Variants in CNIH3 observed in about 807,000 individuals in gnomAD.
CNIH3 encodes cornichon family AMPA receptor auxiliary protein 3, also known as protein cornichon homolog 3.
A neutral mutation model predicts 24.1 loss-of-function variants in CNIH3; 14 were observed. The observed-to-expected ratio is 0.58, with a 90% CI of 0.38 to 0.91. CNIH3 has a LOEUF of 0.91. CNIH3 is among the 40% of genes least tolerant of loss of function. The probability of loss-of-function intolerance (pLI) is 0.00; values close to 1 mark genes in which losing one functional copy is unlikely to be tolerated. For synonymous variants in CNIH3, 68 were observed against 73.8 expected, an observed-to-expected ratio of 0.92 and a Z score of 0.40; for missense variants, 178 against 196.8, an observed-to-expected ratio of 0.90 and a Z score of 0.57.
intron 1 of CNIH3, among the ~76,000 whole-genome samples, chr1:224,482,078 G>C (rs78206637): frequency 0.019 from 2,890 of 152,258 alleles, 57 homozygotes; most frequent in Admixed American, 0.066. Flanking sequence ...AAGGCCCAAG[G>C]CTGTTCAGTC....
intron 1 of CNIH3, among the ~76,000 whole-genome samples, chr1:224,505,911 A>G (rs1677889668): frequency 6.6e-6 from 1 of 152,200 alleles, no homozygotes; most frequent in Admixed American, 6.5e-5. Flanking sequence ...AAAATAGTAC[A>G]TTGATCCCTG....
rs76961828 is a variant in CNIH3, at chr1:224,661,704, T to C, written c.82-19254T>C. The C allele has an allele frequency of 1.4e-3, 271 of 196,188 alleles. 3 individuals carry two copies. In the East Asian group the frequency reaches 0.036, roughly 26 times the overall value. The allele number at this position is 196,188 out of a possible 1,614,324, so 12.2% of individuals were successfully genotyped here. The stretch of plus-strand genomic sequence containing the variant: ...TTCTGGTTTAATATAAATTAAGCTA[T>C]CTTATTTTCTAGCATCTGACAGCAC... On this transcript the variant is annotated intron_variant, in intron 1 of 5. Coordinates refer to ENST00000272133, the MANE Select transcript of CNIH3 (RefSeq NM_152495.2).
At chr1:224,643,716 G>GCCTGAT in intron 1 of CNIH3, among the ~76,000 whole-genome samples, 1 of 152,230 alleles carries the variant, frequency 6.6e-6, no homozygotes, top group South Asian at 2.1e-4. Context: ...GGGGAACAGG[G>GCCTGAT]ACTCAGCAGA....
At chr1:224,694,586 A>T (rs1456254634) in intron 3 of CNIH3, among the ~76,000 whole-genome samples, 2 of 152,236 alleles carry the variant, frequency 1.3e-5, no homozygotes, top group Non-Finnish European at 2.9e-5. Flanking sequence ...GGATGAGGTT[A>T]ACATTTAAAT....
chr1:224,543,575 CTGGGTGGTTAGTGT>C (rs371140624), intron 2 of CNIH3, among the ~76,000 whole-genome samples: 3,251 of 152,264 alleles, frequency 0.021, 116 homozygotes, highest in African/African-American at 0.073. Context: ...AGTGCTGACT[CTGGGTGGTTAGTGT>C]CAGAATTGTA....
chr1:224,707,244 G>A (rs116473405), intron 3 of CNIH3, among the ~76,000 whole-genome samples: 5,874 of 152,168 alleles, frequency 0.039, 179 homozygotes, highest in East Asian at 0.12. Flanking sequence ...GATTACAAAT[G>A]TCAGCCACTG....
At chr1:224,449,007 C>T (rs954082104) in intron 1 of CNIH3, among the ~76,000 whole-genome samples, 2 of 149,806 alleles carry the variant, frequency 1.3e-5, no homozygotes, top group African/African-American at 4.9e-5. Flanking sequence ...TCTTTTTGCC[C>T]AGGCTGGAGT....
chr1:224,631,356 G>A (rs1683812169), intron 1 of CNIH3, among the ~76,000 whole-genome samples: 1 of 152,062 alleles, frequency 6.6e-6, no homozygotes, highest in African/African-American at 2.4e-5. Flanking sequence ...CAAGGTTTTG[G>A]TTTCCAATTT....
intron 3 of CNIH3, among the ~76,000 whole-genome samples, chr1:224,705,546 C>T (rs1687735954): frequency 1.3e-5 from 2 of 152,238 alleles, no homozygotes; most frequent in Non-Finnish European, 2.9e-5. Flanking sequence ...CTCCTGGGAT[C>T]CCCTGCTCCC....
chr1:224,514,324 G>C (rs1678291694), upstream of CNIH3, among the ~76,000 whole-genome samples: 2 of 152,050 alleles, frequency 1.3e-5, no homozygotes, highest in Non-Finnish European at 2.9e-5. Context: ...TTTCAGACCT[G>C]GGCACTAGAT....
At chr1:224,714,669 G>A (rs1688332538) in intron 3 of CNIH3, among the ~76,000 whole-genome samples, 1 of 152,224 alleles carries the variant, frequency 6.6e-6, no homozygotes, top group African/African-American at 2.4e-5. Flanking sequence ...AGTGTGGATG[G>A]ATGGAATGAG....
At chr1:224,736,712 C>T (rs573810847) in intron 5 of CNIH3, among the ~76,000 whole-genome samples, 4 of 152,290 alleles carry the variant, frequency 2.6e-5, no homozygotes, top group Admixed American at 2.6e-4. Context: ...ACTGCTCCAG[C>T]CTGCAGGGAG....
intron 1 of CNIH3, among the ~76,000 whole-genome samples, chr1:224,462,395 C>T (rs2102984563): frequency 6.6e-6 from 1 of 151,972 alleles, no homozygotes; most frequent in African/African-American, 2.4e-5. Context: ...GTGCAGTGGC[C>T]CCATCTTGGG....
chr1:224,659,632 G>C (rs1238454531), intron 1 of CNIH3, among the ~76,000 whole-genome samples: 1 of 152,154 alleles, frequency 6.6e-6, no homozygotes, highest in Non-Finnish European at 1.5e-5. Context: ...TTGAGCAGGG[G>C]AACAGCATGA....
At chr1:224,672,565 T>C (rs12134264) in intron 1 of CNIH3, among the ~76,000 whole-genome samples, 32,865 of 152,126 alleles carry the variant, frequency 0.22, 3,605 homozygotes, top group East Asian at 0.26. Flanking sequence ...TGGCTCCTGG[T>C]AGCCCTTGAT....
intron 2 of CNIH3, among the ~76,000 whole-genome samples, chr1:224,527,908 T>C (rs1329235803): frequency 1.3e-5 from 2 of 152,196 alleles, no homozygotes; most frequent in Non-Finnish European, 2.9e-5. Context: ...AATACTTCTT[T>C]TAAAGTATAT....
chr1:224,434,741 G>T, exon 1 of CNIH3: 11 of 986,850 alleles, frequency 1.1e-5, no homozygotes, highest in Non-Finnish European at 1.3e-5. Context: ...CTCTGTCCTC[G>T]GATCCGCTCC....
chr1:224,461,957 C>T (rs558601777), intron 1 of CNIH3, among the ~76,000 whole-genome samples: 143 of 152,220 alleles, frequency 9.4e-4, no homozygotes, highest in Non-Finnish European at 1.3e-3. Context: ...TGTTCATCCA[C>T]GTTGTAGCAT....
intron 1 of CNIH3, among the ~76,000 whole-genome samples, chr1:224,498,978 A>C (rs527706697): frequency 6.6e-6 from 1 of 152,290 alleles, no homozygotes; most frequent in South Asian, 2.1e-4. Context: ...GCTTTAGCAC[A>C]CCAGTAGCTC....
Sources: gnomAD v4.1 joint callset for allele counts (sites outside exome capture counted in the v4.1 genomes callset) on GRCh38, gnomAD v4.1.1 for gene constraint, MANE v1.5 for transcripts, NCBI Gene and HGNC (gene_info 2026-07-23, HGNC 2026-07-21) for gene names.